Variants in MDGA1 observed in about 807,000 individuals in gnomAD.
MDGA1 encodes MAM domain-containing glycosylphosphatidylinositol anchor protein 1.
A neutral mutation model predicts 101.5 loss-of-function variants in MDGA1; 54 were observed. That is an observed-to-expected ratio of 0.53 (90% CI 0.43 to 0.67). The LOEUF is 0.67. MDGA1 is among the 30% of genes least tolerant of loss of function. The probability of loss-of-function intolerance (pLI) is 0.00; values close to 1 mark genes in which losing one functional copy is unlikely to be tolerated. For missense variants in MDGA1, 1,083 were observed against 1,323.8 expected, an observed-to-expected ratio of 0.82 and a Z score of 2.82; for synonymous variants, 533 against 558.3, an observed-to-expected ratio of 0.95 and a Z score of 0.64.
At chr6:37,663,939 C>T (rs772458368) in intron 2 of MDGA1, 28 bp downstream of exon 2, 28 of 1,612,784 alleles carry the variant, frequency 1.7e-5, no homozygotes, top group Non-Finnish European at 2.4e-5. Context: ...GTAGGAGGGG[C>T]CTGAGCAAGG....
At chr6:37,679,814 T>C (rs1287858187) in intron 1 of MDGA1, among the ~76,000 whole-genome samples, 3 of 152,120 alleles carry the variant, frequency 2.0e-5, no homozygotes, top group Non-Finnish European at 1.5e-5. Flanking sequence ...ATTAGCCCTG[T>C]CTTGTGCATG....
intron 11 of MDGA1, 99 bp downstream of exon 11, chr6:37,646,099 G>A (rs1045458137): frequency 1.4e-5 from 22 of 1,554,868 alleles, no homozygotes; most frequent in Non-Finnish European, 1.8e-5. Context: ...GGTAGTACAC[G>A]GTGGGGAACC....
rs748101759 is a variant in MDGA1, at chr6:37,658,324, C to T, written c.303G>A (p.Thr101=). 2.5e-6 allele frequency: 4 copies of T among 1,612,798 alleles called. No individual in the cohort carries two copies. Among genetic ancestry groups the T allele is most frequent in the South Asian group, 1.1e-5 (1 of 90,936 alleles). The change falls in exon 3 of 17, where the codon ACG becomes ACA. Residue 101 remains threonine, a synonymous_variant. Transcript: ENST00000434837. ...ETLRIERIAR[T]QGGRYYCKAE... The stretch of plus-strand genomic sequence containing the variant: ...CCTTGCAGTAGTAGCGGCCGCCCTG[C>T]GTGCGTGCAATACGCTCGATGCGCA...
In MDGA1 at chr6:37,638,040, G is replaced by A. The variant is rs1469852697; in HGVS notation, c.2776+165C>T. ...TTGTTTACACAAGTACACAGCCTGAGTGAGTGTGGGGCACACCTTCACACA... is the reference window on the plus strand; with the variant it reads ...TTGTTTACACAAGTACACAGCCTGAATGAGTGTGGGGCACACCTTCACACA... On this transcript the variant is annotated intron_variant, in intron 16 of 16. Coordinates refer to ENST00000434837, the MANE Select transcript of MDGA1 (RefSeq NM_153487.4). The surrounding 1 kb of genome is among the most constrained non-coding windows in gnomAD (Gnocchi z 4.8). The A allele has an allele frequency of 1.5e-6, 1 of 654,492 alleles. No homozygotes were observed. The highest frequency in any genetic ancestry group is 2.7e-5 in the East Asian group (1 of 36,522). The allele number at this position is 654,492 out of a possible 1,614,324, so 40.5% of individuals were successfully genotyped here. A position where few individuals can be genotyped will look rare whatever the true frequency, so the allele number is the denominator to read the frequency against.
At chr6:37,658,161 T>C in intron 3 of MDGA1, 84 bp downstream of exon 3, 1 of 1,414,762 alleles carries the variant, frequency 7.1e-7, no homozygotes, top group Admixed American at 2.6e-5. Context: ...CCATGCCCAC[T>C]TCCCCACCTC....
At chr6:37,681,211 C>T (rs950924021) in intron 1 of MDGA1, among the ~76,000 whole-genome samples, 2 of 152,196 alleles carry the variant, frequency 1.3e-5, no homozygotes, top group African/African-American at 2.4e-5. Flanking sequence ...TCAGGGCTCA[C>T]GATGGGGGAT....
In MDGA1 at chr6:37,658,268, T is replaced by C; in HGVS notation, c.359A>G (p.Lys120Arg). ...AENGVGVPAIKSIRVDVQYLD... is the reference protein window; with the variant it reads ...AENGVGVPAIRSIRVDVQYLD... ...ACACTGCACGTCCACGCGGATGGACTTGATGGCCGGCACCCCCACGCCGTT... is the reference window on the plus strand; with the variant it reads ...ACACTGCACGTCCACGCGGATGGACCTGATGGCCGGCACCCCCACGCCGTT... Residue 120 changes from lysine to arginine, a missense_variant, in exon 3 of 17, where the codon AAG becomes AGG. Transcript: ENST00000434837. 1 of 1,606,158 alleles carries C rather than the reference T, an allele frequency of 6.2e-7. No homozygotes were observed. Among genetic ancestry groups the C allele is most frequent in the Non-Finnish European group, 8.5e-7 (1 of 1,176,314 alleles).
chr6:37,646,446 C>T (rs1761200555), intron 10 of MDGA1, 71 bp from the exon 11 acceptor site: 2 of 1,335,926 alleles, frequency 1.5e-6, no homozygotes, highest in Admixed American at 6.1e-5. Flanking sequence ...TGAGACAGGA[C>T]AATCACCCCT....
rs1050593118 is a variant in MDGA1, at chr6:37,647,236, C to A, written c.1983G>T (p.Gln661His). 2 of 1,587,732 alleles carry A rather than the reference C, an allele frequency of 1.3e-6. No individual in the cohort carries two copies. Among genetic ancestry groups the A allele is most frequent in the African/African-American group, 2.7e-5 (2 of 74,602 alleles). ...CAGCGTCGGGCTCCCTCTGAGTCCA[C>A]TGCAGCACGTAGGAGTAGTTCTTGG... is the stretch of plus-strand genomic sequence containing the variant. Reference protein sequence around the residue: ...KLSKNYSYVLQWTQREPDAVD... With the variant: ...KLSKNYSYVLHWTQREPDAVD... The change falls in exon 10 of 17, where the codon CAG becomes CAT. Residue 661 changes from glutamine (Q) to histidine (H), a missense_variant. Around this residue, in one of 3 missense-constraint regions of MDGA1, gnomAD observed 657 missense variants for 771.4 expected, o/e 0.85. Transcript: ENST00000434837.
chr6:37,657,556 C>T (rs1485103150), intron 3 of MDGA1, among the ~76,000 whole-genome samples: 5 of 152,212 alleles, frequency 3.3e-5, no homozygotes, highest in South Asian at 4.1e-4. Context: ...TGTCAGTGTT[C>T]ATCACTCTAC....
In MDGA1 at chr6:37,646,325, C is replaced by T; in HGVS notation, c.2097G>A (p.Glu699=). Residue 699 remains glutamate, a synonymous_variant, in exon 11 of 17, where the codon GAG becomes GAA. Coordinates refer to ENST00000434837, the MANE Select transcript of MDGA1 (RefSeq NM_153487.4). ...VVKAIPVRRV[E]KGQLLEYILT... is the part of the protein sequence containing the mutation. ...GGATGTACTCCAGCAGCTGCCCCTTCTCCACACGCCGGACCGGGATGGCCT... is the reference window on the plus strand; with the variant it reads ...GGATGTACTCCAGCAGCTGCCCCTTTTCCACACGCCGGACCGGGATGGCCT... 1 of 1,587,478 alleles carries T rather than the reference C, an allele frequency of 6.3e-7. No homozygotes were observed.
At chr6:37,681,000 C>T (rs902177047) in intron 1 of MDGA1, among the ~76,000 whole-genome samples, 1 of 152,066 alleles carries the variant, frequency 6.6e-6, no homozygotes, top group African/African-American at 2.4e-5. Context: ...TCCTCAGCCC[C>T]CCCCCCCCAG....
chr6:37,661,391 T>C (rs1326203305), intron 2 of MDGA1, among the ~76,000 whole-genome samples: 1 of 152,204 alleles, frequency 6.6e-6, no homozygotes, highest in Non-Finnish European at 1.5e-5. Context: ...CCTCAGTCCC[T>C]TAGTCCCCCA....
intron 2 of MDGA1, among the ~76,000 whole-genome samples, chr6:37,658,693 C>A (rs1761552856): frequency 6.6e-6 from 1 of 152,168 alleles, no homozygotes; most frequent in Admixed American, 6.5e-5. Context: ...TGGATTCGGC[C>A]GGGCACGGTG....
chr6:37,690,282 C>T lies in MDGA1; in HGVS notation c.67+6463G>A, dbSNP rs565044399. ...CCTCCCACACACAGCGGCATGGCTA[C>T]CTGGCCCATAATATGGCTTGCATCA... On this transcript the variant is annotated intron_variant, in intron 1 of 16. Transcript: ENST00000434837. 9.8e-5 allele frequency among the ~76,000 whole-genome samples: 15 copies of T among 152,324 alleles called. No individual in the cohort carries two copies. In the East Asian group the frequency reaches 2.7e-3, roughly 27 times the overall value.
Position 37,637,155 on chromosome 6 carries a change from G to A in MDGA1, c.*213C>T. ...TCTCTGTGTGTGTGAGCATGAGTGT[G>A]TGCGTGTGTGCAAGTGGAACAGCTG... On this transcript the variant is annotated 3_prime_UTR_variant, in exon 17 of 17. Coordinates refer to ENST00000434837, the MANE Select transcript of MDGA1 (RefSeq NM_153487.4). 1 of 552,080 alleles carries A rather than the reference G, an allele frequency of 1.8e-6. No homozygotes were observed. Among genetic ancestry groups the A allele is most frequent in the Non-Finnish European group, 3.2e-6 (1 of 307,986 alleles). 34.2% of individuals were successfully genotyped at this position (552,080 alleles called of 1,614,324 possible). A position where few individuals can be genotyped will look rare whatever the true frequency, so the allele number is the denominator to read the frequency against.
At chr6:37,658,560 G>C in intron 2 of MDGA1, 141 bp from the exon 3 acceptor site, 1 of 787,362 alleles carries the variant, frequency 1.3e-6, no homozygotes. Context: ...CCTAGGAAAC[G>C]AACCCAGACA....
intron 3 of MDGA1, among the ~76,000 whole-genome samples, chr6:37,656,937 A>C (rs972882236): frequency 6.6e-6 from 1 of 152,060 alleles, no homozygotes; most frequent in Non-Finnish European, 1.5e-5. Flanking sequence ...TTTTCTTTTT[A>C]ATACTGATAC....
At chr6:37,687,417 A>T (rs1332931892) in intron 1 of MDGA1, among the ~76,000 whole-genome samples, 1 of 150,804 alleles carries the variant, frequency 6.6e-6, no homozygotes, top group Non-Finnish European at 1.5e-5. Flanking sequence ...AAAAAAAAAA[A>T]AGTTAGCCGG....
Sources: gnomAD v4.1 joint callset for allele counts (sites outside exome capture counted in the v4.1 genomes callset) on GRCh38, gnomAD v4.1.1 for gene constraint, gnomAD v4.1.1 regional missense constraint, Gnocchi (gnomAD v3.1) non-coding constraint, MANE v1.5 for transcripts, NCBI Gene and HGNC (gene_info 2026-07-23, HGNC 2026-07-21) for gene names.